Variants in TMPRSS7 observed in about 807,000 individuals in gnomAD.
TMPRSS7 encodes transmembrane protease serine 7.
A neutral mutation model predicts 95.6 loss-of-function variants in TMPRSS7; 81 were observed. That is an observed-to-expected ratio of 0.85 (90% CI 0.71 to 1.02). The LOEUF (loss-of-function observed/expected upper bound fraction) is 1.02. Ranked by LOEUF, TMPRSS7 falls within the 50% of genes least tolerant of loss-of-function variation. The pLI is 0.00. For synonymous variants in TMPRSS7, 364 were observed against 337.8 expected, an observed-to-expected ratio of 1.08 and a Z score of -0.85; for missense variants, 945 against 955.2, an observed-to-expected ratio of 0.99 and a Z score of 0.14.
At position 112,047,385 on chromosome 3, in the gene TMPRSS7, G is replaced by A. The variant is rs115596728; in HGVS notation, c.731-354G>A. ...AAACCATGATGAAAACCACCTCCAC[G>A]TATTTCCTGATTGCTCTTGCAGAAG... On this transcript the variant is annotated intron_variant, in intron 6 of 17. Coordinates refer to ENST00000452346, the Ensembl canonical transcript of TMPRSS7. 1.5e-3 allele frequency: 819 copies of A among 561,678 alleles called. 7 individuals carry two copies. Among genetic ancestry groups the A allele is most frequent in the African/African-American group, 0.013 (704 of 54,260 alleles). 34.8% of individuals were successfully genotyped at this position (561,678 alleles called of 1,614,324 possible).
At chr3:112,051,243 A>T (rs1317175084) in intron 9 of TMPRSS7, among the ~76,000 whole-genome samples, 2 of 152,192 alleles carry the variant, frequency 1.3e-5, no homozygotes, top group East Asian at 3.8e-4. Flanking sequence ...ACAACAATAA[A>T]CAATAACACA....
At chr3:112,047,466 C>G in intron 6 of TMPRSS7, 1 of 599,812 alleles carries the variant, frequency 1.7e-6, no homozygotes, top group East Asian at 3.7e-5. Flanking sequence ...CTTGAAATGA[C>G]TTCTTTGACT....
At chr3:112,049,118 G>A (rs2073314845) in intron 7 of TMPRSS7, among the ~76,000 whole-genome samples, 1 of 152,138 alleles carries the variant, frequency 6.6e-6, no homozygotes, top group Non-Finnish European at 1.5e-5. Context: ...GTCAAGCCCG[G>A]GCCATTCCTT....
intron 12 of TMPRSS7, 29 bp from the exon 13 acceptor site, chr3:112,066,363 G>A (rs2107755989): frequency 6.2e-7 from 1 of 1,606,428 alleles, no homozygotes; most frequent in Non-Finnish European, 8.5e-7. Flanking sequence ...TCAGGCTCGT[G>A]AACTTTCTGT....
At chr3:112,051,421 G>C (rs971982442) in intron 9 of TMPRSS7, among the ~76,000 whole-genome samples, 5 of 152,024 alleles carry the variant, frequency 3.3e-5, no homozygotes, top group African/African-American at 9.7e-5. Flanking sequence ...TTTGGTATCT[G>C]TAGGGTTCCT....
chr3:112,038,143 G>GAGACGACTACCATTGCCAGGA lies in TMPRSS7; in HGVS notation c.128_148dup (p.Leu43_Arg49dup), dbSNP rs758482922. 555 of 702,702 alleles carry GAGACGACTACCATTGCCAGGA rather than the reference G, an allele frequency of 7.9e-4. 5 individuals are homozygous for GAGACGACTACCATTGCCAGGA. The highest frequency in any genetic ancestry group is 5.7e-3 in the South Asian group (387 of 67,578). The allele number at this position is 702,702 out of a possible 1,614,324, so 43.5% of individuals were successfully genotyped here. A position where few individuals can be genotyped will look rare whatever the true frequency, so the allele number is the denominator to read the frequency against. On this transcript the variant is annotated inframe_insertion, in exon 2 of 18. Transcript: ENST00000452346. ...CAGTGAGACGACCACCGTTGCCAGG[G>GAGACGACTACCATTGCCAGGA]AGACGACTACCATTGCCAGGAAGAC...
chr3:112,059,819 A>G (rs755786171), intron 10 of TMPRSS7, among the ~76,000 whole-genome samples: 10 of 152,200 alleles, frequency 6.6e-5, no homozygotes, highest in Non-Finnish European at 1.2e-4. Flanking sequence ...CCTTAAAATC[A>G]CAGGTTATCT....
At chr3:112,064,346 G>GTTTTCTTTTC (rs1265296862) in intron 12 of TMPRSS7, among the ~76,000 whole-genome samples, 1 of 13,526 alleles carries the variant, frequency 7.4e-5, no homozygotes, top group Admixed American at 1.1e-3. Flanking sequence ...TTGTGTGTGT[G>GTTTTCTTTTC]TTTTCTTTTC....
intron 9 of TMPRSS7, among the ~76,000 whole-genome samples, chr3:112,051,668 C>CTATCT (rs61097993): frequency 0.045 from 5,705 of 127,946 alleles, 171 homozygotes; most frequent in Middle Eastern, 0.082. Flanking sequence ...ATCTATCTAT[C>CTATCT]ATCTATCTAT....
intron 9 of TMPRSS7, among the ~76,000 whole-genome samples, chr3:112,053,388 C>T (rs563594759): frequency 6.6e-6 from 1 of 152,294 alleles, no homozygotes; most frequent in Non-Finnish European, 1.5e-5. Flanking sequence ...AGGATTAACT[C>T]CTGCTACAGC....
chr3:112,074,334 G>T (rs757647862), exon 14 of TMPRSS7: 1 of 1,614,102 alleles, frequency 6.2e-7, no homozygotes, highest in South Asian at 1.1e-5. Context: ...GTGTGGCAAT[G>T]ATATTTGCTT....
intron 16 of TMPRSS7, among the ~76,000 whole-genome samples, chr3:112,077,714 A>G (rs2073729661): frequency 6.6e-6 from 1 of 151,954 alleles, no homozygotes; most frequent in African/African-American, 2.4e-5. Flanking sequence ...CCTTTTTGCT[A>G]TTTCTCTGAC....
intron 2 of TMPRSS7, among the ~76,000 whole-genome samples, chr3:112,040,857 G>A (rs1167460743): frequency 6.6e-6 from 1 of 152,124 alleles, no homozygotes; most frequent in Non-Finnish European, 1.5e-5. Context: ...CCTTGAAAAA[G>A]GAGGTAGACA....
intron 12 of TMPRSS7, 107 bp from the exon 13 acceptor site, chr3:112,066,285 A>G: frequency 1.1e-6 from 1 of 880,582 alleles, no homozygotes. Flanking sequence ...TTTTTGTTTT[A>G]TAGGTCATCC....
At chr3:112,038,402 T>C (rs1023471628) in intron 2 of TMPRSS7, 81 bp downstream of exon 2, 5 of 625,700 alleles carry the variant, frequency 8.0e-6, no homozygotes, top group African/African-American at 5.5e-5. Flanking sequence ...TAATCTGCCA[T>C]AGGTATTTCT....
At chr3:112,079,605 T>C (rs902855) in intron 17 of TMPRSS7, among the ~76,000 whole-genome samples, 38,201 of 152,060 alleles carry the variant, frequency 0.25, 5,474 homozygotes, top group East Asian at 0.4. Context: ...CAATTCTTCT[T>C]CCAGTGTGGC....
intron 4 of TMPRSS7, among the ~76,000 whole-genome samples, 199 bp downstream of exon 4, chr3:112,044,521 C>T (rs2073252453): frequency 2.0e-5 from 3 of 152,122 alleles, no homozygotes; most frequent in South Asian, 2.1e-4. Context: ...CACCAAATCC[C>T]GACCTTCTCC....
chr3:112,066,612 T>A, intron 13 of TMPRSS7, 110 bp downstream of exon 13: 1 of 935,992 alleles, frequency 1.1e-6, no homozygotes, highest in Non-Finnish European at 1.6e-6. Context: ...TGTCCCAGGT[T>A]CTCTGGAACT....
At chr3:112,037,239 A>T (rs943176335) in intron 1 of TMPRSS7, among the ~76,000 whole-genome samples, 7 of 152,182 alleles carry the variant, frequency 4.6e-5, no homozygotes, top group African/African-American at 1.7e-4. Flanking sequence ...TTCTTTCCCC[A>T]GTAAGGAATA....
Sources: gnomAD v4.1 joint callset for allele counts (sites outside exome capture counted in the v4.1 genomes callset) on GRCh38, gnomAD v4.1.1 for gene constraint, MANE v1.5 for transcripts, NCBI Gene and HGNC (gene_info 2026-07-23, HGNC 2026-07-21) for gene names.